ATP2B1: variants seen among roughly 807,000 people sequenced by gnomAD.
The protein encoded by ATP2B1 is plasma membrane calcium-transporting ATPase 1.
A neutral mutation model predicts 124.2 loss-of-function variants in ATP2B1; 14 were observed. That is an observed-to-expected ratio of 0.11 (90% CI 0.07 to 0.18). The LOEUF is 0.18. Among genes scored for constraint, ATP2B1 ranks in the 10% least tolerant of loss-of-function variants. ATP2B1 has a pLI of 1.00. For synonymous variants in ATP2B1, 449 were observed against 492.4 expected, an observed-to-expected ratio of 0.91 and a Z score of 1.17; for missense variants, 763 against 1,466.1, an observed-to-expected ratio of 0.52 and a Z score of 7.83.
chr12:89,661,230 AAT>A lies in ATP2B1; in HGVS notation c.-221-5125_-221-5124del, dbSNP rs1401735126. ...CTTATTCCCCGGACCCAAATATACT[AAT>A]ATGATACCTTAATCAGAGTAATTAC... On this transcript the variant is annotated intron_variant, in intron 1 of 20. Transcript: ENST00000428670. Among the ~76,000 whole-genome samples, 4 of 152,346 alleles carry A rather than the reference AAT, an allele frequency of 2.6e-5. No homozygotes were observed. In the South Asian group the frequency reaches 8.3e-4, roughly 32 times the overall value.
At position 89,655,874 on chromosome 12, in the gene ATP2B1, C is replaced by G; in HGVS notation, c.13G>C (p.Ala5Pro). ...CCACTGTAAGCAACTGAGTTGTTTG[C>G]CATGTCGCCCATTACAAGTATAATA... MGDM[A>P]NNSVAYSGVK... is the part of the protein sequence containing the mutation. Residue 5 changes from alanine to proline, a missense_variant, in exon 2 of 21, where the codon GCA becomes CCA. This residue lies in a region of ATP2B1 where 93 missense variants were observed against 112.7 expected (regional missense o/e 0.83). Transcript: ENST00000428670. 6.3e-7 allele frequency: 1 copy of G among 1,591,840 alleles called. No homozygotes were observed.
Position 89,653,692 on chromosome 12 carries a change from AT to A in ATP2B1, c.208+1986del, listed in dbSNP as rs1417936033. On this transcript the variant is annotated intron_variant, in intron 2 of 20. Coordinates refer to ENST00000428670, the MANE Select transcript of ATP2B1 (RefSeq NM_001366521.1). ...GGGTACATAACTATCCCCTTCTCAA[AT>A]TTTAAAAACCACTGTACTAGAGGTA... is the stretch of plus-strand genomic sequence containing the variant. Among the ~76,000 whole-genome samples the A allele has an allele frequency of 5.9e-5, 9 of 152,310 alleles. No homozygotes were observed. In the East Asian group the frequency reaches 1.7e-3, roughly 29 times the overall value.
intron 1 of ATP2B1, among the ~76,000 whole-genome samples, chr12:89,683,909 C>A (rs1193981059): frequency 2.0e-5 from 3 of 152,070 alleles, no homozygotes; most frequent in Non-Finnish European, 4.4e-5. Flanking sequence ...TTTTTCATTG[C>A]AGCATTATTA....
intron 18 of ATP2B1, 118 bp downstream of exon 18, chr12:89,602,925 A>G (rs1261850786): frequency 2.4e-6 from 2 of 831,650 alleles, no homozygotes; most frequent in Admixed American, 2.6e-5. Flanking sequence ...GATATTATAT[A>G]TGTCACCAAG....
At chr12:89,657,648 G>A (rs576281418) in intron 1 of ATP2B1, among the ~76,000 whole-genome samples, 1 of 152,224 alleles carries the variant, frequency 6.6e-6, no homozygotes, top group African/African-American at 2.4e-5. Flanking sequence ...ATCACCCAGA[G>A]AATCAGTTAG....
At chr12:89,673,312 C>T (rs968523860) in intron 1 of ATP2B1, among the ~76,000 whole-genome samples, 5 of 152,278 alleles carry the variant, frequency 3.3e-5, no homozygotes, top group Admixed American at 2.0e-4. Flanking sequence ...CTACAGAGAA[C>T]CTATTAATAT....
At position 89,621,852 on chromosome 12, in the gene ATP2B1, A is replaced by G. The variant is rs1880019410; in HGVS notation, c.1345-61T>C. 14 of 1,357,908 alleles carry G rather than the reference A, an allele frequency of 1.0e-5. No individual in the cohort carries two copies. The South Asian group carries it at 2.5e-4, about 24-fold the overall frequency. The allele number at this position is 1,357,908 out of a possible 1,614,324, so 84.1% of individuals were successfully genotyped here. ...CATATAAAACCAATCACCTCATTACATTAAAATGATTATAAATTGTTTTAA... is the reference window on the plus strand; with the variant it reads ...CATATAAAACCAATCACCTCATTACGTTAAAATGATTATAAATTGTTTTAA... On this transcript the variant is annotated intron_variant, in intron 9 of 20. Coordinates refer to ENST00000428670, the MANE Select transcript of ATP2B1 (RefSeq NM_001366521.1).
chr12:89,669,440 A>G (rs1459912972), intron 1 of ATP2B1, among the ~76,000 whole-genome samples: 2 of 152,180 alleles, frequency 1.3e-5, no homozygotes, highest in Non-Finnish European at 2.9e-5. Flanking sequence ...ACACTAAATC[A>G]TAACTAGGAT....
intron 1 of ATP2B1, among the ~76,000 whole-genome samples, chr12:89,702,447 G>C (rs1891965320): frequency 6.6e-6 from 1 of 152,214 alleles, no homozygotes; most frequent in South Asian, 2.1e-4. Context: ...CAGCAGATCT[G>C]AGAGTTTTGA....
chr12:89,645,971 T>C (rs1310537620), intron 2 of ATP2B1, among the ~76,000 whole-genome samples: 1 of 152,182 alleles, frequency 6.6e-6, no homozygotes, highest in African/African-American at 2.4e-5. Flanking sequence ...TGCTTGTATT[T>C]GGGTTTTAGA....
At position 89,610,512 on chromosome 12, in the gene ATP2B1, T is replaced by TAA; in HGVS notation, c.2248-6_2248-5dup. On this transcript the variant is annotated splice_region_variant and splice_polypyrimidine_tract_variant and intron_variant, in intron 13 of 20. Transcript: ENST00000428670. ...TGTCTATCCTCTCTTGCTCAATCTA[T>TAA]AAGTGTTTATCAAAGTTAAAATATG... 14 of 1,611,776 alleles carry TAA rather than the reference T, an allele frequency of 8.7e-6. No homozygotes were observed. The highest frequency in any genetic ancestry group is 1.1e-5 in the Non-Finnish European group (13 of 1,178,276).
At chr12:89,667,165 A>G (rs1045525957) in intron 1 of ATP2B1, among the ~76,000 whole-genome samples, 1 of 152,000 alleles carries the variant, frequency 6.6e-6, no homozygotes, top group Admixed American at 6.6e-5. Context: ...CTGTCCACAC[A>G]CTACTAAGAT....
intron 1 of ATP2B1, among the ~76,000 whole-genome samples, chr12:89,699,784 G>T (rs940690466): frequency 4.6e-5 from 7 of 152,144 alleles, no homozygotes; most frequent in Non-Finnish European, 8.8e-5. Context: ...GGCCGGAGGT[G>T]ATCAAGTTCC....
chr12:89,706,791 C>T lies in ATP2B1; in HGVS notation c.-222+1805G>A, dbSNP rs1196459488. ...TTTAAATTAAAGGTGGCGCTCTGTC[C>T]TCAACTCACCCGAATGTGACTCACT... On this transcript the variant is annotated intron_variant, in intron 1 of 20. Transcript: ENST00000428670. Among the ~76,000 whole-genome samples, 3 of 152,216 alleles carry T rather than the reference C, an allele frequency of 2.0e-5. No homozygotes were observed. In the East Asian group the frequency reaches 5.8e-4, roughly 29 times the overall value.
Position 89,655,707 on chromosome 12 carries a change from G to A in ATP2B1, c.180C>T (p.Cys60=). 1 of 1,614,114 alleles carries A rather than the reference G, an allele frequency of 6.2e-7. No homozygotes were observed. The highest frequency in any genetic ancestry group is 8.5e-7 in the Non-Finnish European group (1 of 1,179,996). ...CATTGGGAGATGTTTTCAATTTGGT[G>A]CAAATTCCATAGACATCTCCATAGC... The part of the protein sequence containing the change: ...QESYGDVYGI[C]TKLKTSPNEG... The change falls in exon 2 of 21, where the codon TGC becomes TGT. Residue 60 remains cysteine, a synonymous_variant. Coordinates refer to ENST00000428670, the MANE Select transcript of ATP2B1 (RefSeq NM_001366521.1).
At position 89,630,563 on chromosome 12, in the gene ATP2B1, T is replaced by C; in HGVS notation, c.870A>G (p.Leu290=). Residue 290 remains leucine, a synonymous_variant, in exon 6 of 21, where the codon TTA becomes TTG. Transcript: ENST00000428670. ...VNSQTGIIFT[L]LGAGGEEEEK... is the part of the protein sequence containing the mutation. ...CTTCCTCTTCACCTCCAGCTCCAAG[T>C]AAGGTAAAGATAATTCCAGTTTGAG... 1.3e-6 allele frequency: 2 copies of C among 1,598,066 alleles called. No individual in the cohort carries two copies. The highest frequency in any genetic ancestry group is 1.7e-6 in the Non-Finnish European group (2 of 1,171,458).
At chr12:89,619,934 C>G in intron 11 of ATP2B1, 65 bp downstream of exon 11, 1 of 1,572,392 alleles carries the variant, frequency 6.4e-7, no homozygotes, top group South Asian at 1.2e-5. Flanking sequence ...ACAATAACAA[C>G]ACAGTAGATA....
At chr12:89,689,685 A>G (rs941962428) in intron 1 of ATP2B1, among the ~76,000 whole-genome samples, 3 of 152,242 alleles carry the variant, frequency 2.0e-5, no homozygotes, top group South Asian at 2.1e-4. Context: ...AACTTGCTAT[A>G]TATTTGTAGA....
At chr12:89,658,129 C>T (rs1886176990) in intron 1 of ATP2B1, among the ~76,000 whole-genome samples, 1 of 152,108 alleles carries the variant, frequency 6.6e-6, no homozygotes, top group Non-Finnish European at 1.5e-5. Flanking sequence ...TCACACTAAC[C>T]TTAAAATAGA....
Sources: gnomAD v4.1 joint callset for allele counts (sites outside exome capture counted in the v4.1 genomes callset) on GRCh38, gnomAD v4.1.1 for gene constraint, gnomAD v4.1.1 regional missense constraint, MANE v1.5 for transcripts, NCBI Gene and HGNC (gene_info 2026-07-23, HGNC 2026-07-21) for gene names.